Variants in SOX6 observed in about 807,000 individuals in gnomAD.
SOX6 encodes transcription factor SOX-6.
SOX6 carries 11 observed loss-of-function variants against 97.8 expected under a neutral mutation model. The ratio of observed to expected loss-of-function variants is 0.11; its 90% CI spans 0.07 to 0.19. The LOEUF (loss-of-function observed/expected upper bound fraction) is 0.19. Among genes scored for constraint, SOX6 ranks in the 10% least tolerant of loss-of-function variants. The pLI is 1.00. For missense variants in SOX6, 810 were observed against 1,039.5 expected (o/e 0.78, Z 3.04); for synonymous variants, 360 against 371.4 (o/e 0.97, Z 0.35).
chr11:16,601,774 A>C (rs1345951285), intron 4 of SOX6, among the ~76,000 whole-genome samples: 10 of 152,174 alleles, frequency 6.6e-5, no homozygotes, highest in Admixed American at 4.6e-4. Flanking sequence ...TAACTAAATA[A>C]TTCCTAAAAA....
At chr11:16,712,118 CA>C (rs1848185980) in intron 3 of SOX6, among the ~76,000 whole-genome samples, 2 of 150,882 alleles carry the variant, frequency 1.3e-5, no homozygotes, top group South Asian at 2.1e-4. Flanking sequence ...CACACACACA[CA>C]CACCACAGTT....
At chr11:16,486,758 G>T (rs1860442260) in intron 4 of SOX6, among the ~76,000 whole-genome samples, 1 of 152,038 alleles carries the variant, frequency 6.6e-6, no homozygotes, top group South Asian at 2.1e-4. Flanking sequence ...TGAGGCAGAA[G>T]AATCACTTGA....
chr11:16,272,420 C>A (rs1266849692), intron 3 of SOX6, among the ~76,000 whole-genome samples: 1 of 151,616 alleles, frequency 6.6e-6, no homozygotes, highest in Admixed American at 6.6e-5. Context: ...CTGAATTTGC[C>A]CACCTAGCCA....
intron 7 of SOX6, among the ~76,000 whole-genome samples, chr11:16,101,018 C>T (rs1848932141): frequency 6.6e-6 from 1 of 151,660 alleles, no homozygotes; most frequent in Non-Finnish European, 1.5e-5. Flanking sequence ...TTACACATCC[C>T]TAACTAACTC....
Position 16,483,371 on chromosome 11 carries a change from C to T in SOX6, n.610-6983G>A, listed in dbSNP as rs538112510. ...CTTTTTTTTTTCAAGTTCACAAAAG[C>T]ACTTTTTATTTGAGGCAAAGAGAAG... On this transcript the variant is annotated intron_variant and non_coding_transcript_variant, in intron 4 of 5. Transcript: ENST00000524520. 7.2e-5 allele frequency among the ~76,000 whole-genome samples: 11 copies of T among 152,048 alleles called. No homozygotes were observed. The East Asian group carries it at 2.1e-3, about 29-fold the overall frequency.
chr11:16,715,547 T>C (rs1435000136), intron 2 of SOX6, among the ~76,000 whole-genome samples: 2 of 151,878 alleles, frequency 1.3e-5, no homozygotes, highest in Admixed American at 6.6e-5. Context: ...AGCAAGGTCC[T>C]TAATGAAAAC....
chr11:16,287,298 TCA>T (rs371413164), intron 3 of SOX6, among the ~76,000 whole-genome samples: 5 of 123,448 alleles, frequency 4.1e-5, no homozygotes, highest in African/African-American at 1.6e-4. Flanking sequence ...TCTCTCTCTC[TCA>T]CACACACACA....
chr11:16,362,098 A>G (rs1176255415), intron 1 of SOX6, among the ~76,000 whole-genome samples: 1 of 152,180 alleles, frequency 6.6e-6, no homozygotes, highest in Non-Finnish European at 1.5e-5. Context: ...CTAAAATCCC[A>G]GTCCCCTAAA....
intron 4 of SOX6, among the ~76,000 whole-genome samples, chr11:16,497,873 A>C (rs1860631577): frequency 6.6e-6 from 1 of 152,234 alleles, no homozygotes; most frequent in African/African-American, 2.4e-5. Flanking sequence ...GGAGAAGGGA[A>C]CCAAGTTGGA....
chr11:16,611,431 C>T (rs190567213), intron 4 of SOX6, among the ~76,000 whole-genome samples: 1 of 152,264 alleles, frequency 6.6e-6, no homozygotes, highest in Non-Finnish European at 1.5e-5. Flanking sequence ...GTCAATCGCT[C>T]CCAAACACTG....
At chr11:16,395,292 C>A (rs1399340546) in intron 1 of SOX6, among the ~76,000 whole-genome samples, 1 of 151,786 alleles carries the variant, frequency 6.6e-6, no homozygotes, top group African/African-American at 2.4e-5. Context: ...ATTGCAATAT[C>A]TGCTATAAAA....
At chr11:16,555,740 A>C (rs542197908) in intron 4 of SOX6, among the ~76,000 whole-genome samples, 1 of 151,742 alleles carries the variant, frequency 6.6e-6, no homozygotes, top group Non-Finnish European at 1.5e-5. Context: ...TCACTGCAAA[A>C]GAAATAGAGA....
At chr11:16,445,262 C>T (rs575809334) in intron 1 of SOX6, among the ~76,000 whole-genome samples, 1 of 152,288 alleles carries the variant, frequency 6.6e-6, no homozygotes, top group East Asian at 1.9e-4. Context: ...AGGAAACTGT[C>T]ATTTACATAA....
intron 3 of SOX6, among the ~76,000 whole-genome samples, chr11:16,309,073 C>G (rs761320114): frequency 4.6e-5 from 7 of 152,182 alleles, no homozygotes; most frequent in Non-Finnish European, 8.8e-5. Flanking sequence ...CACACACACA[C>G]ACATATTGCA....
At chr11:16,374,787 T>G (rs1857600005) in intron 1 of SOX6, among the ~76,000 whole-genome samples, 2 of 152,168 alleles carry the variant, frequency 1.3e-5, no homozygotes, top group Non-Finnish European at 2.9e-5. Flanking sequence ...AACAATAAAA[T>G]AAAATTGTGT....
intron 4 of SOX6, among the ~76,000 whole-genome samples, chr11:16,212,282 T>C (rs929697266): frequency 7.9e-5 from 12 of 152,156 alleles, no homozygotes; most frequent in Non-Finnish European, 1.8e-4. Context: ...CAGAGCTTGC[T>C]TTTATTTTTT....
chr11:16,136,053 T>C (rs1365754724), intron 6 of SOX6, among the ~76,000 whole-genome samples: 1 of 152,094 alleles, frequency 6.6e-6, no homozygotes, highest in African/African-American at 2.4e-5. Context: ...AGAGACTTGC[T>C]GTGTCGCAAG....
intron 15 of SOX6, among the ~76,000 whole-genome samples, chr11:15,983,957 G>C (rs553718066): frequency 1.3e-5 from 2 of 152,258 alleles, no homozygotes; most frequent in African/African-American, 4.8e-5. Context: ...ATGACTGCCA[G>C]CATAGGGCTA....
At chr11:16,497,814 A>G (rs906124318) in intron 4 of SOX6, among the ~76,000 whole-genome samples, 2 of 152,244 alleles carry the variant, frequency 1.3e-5, no homozygotes, top group Non-Finnish European at 2.9e-5. Flanking sequence ...ATATGGGACT[A>G]TGTGAAAAGA....
Sources: allele counts gnomAD v4.1 joint callset (sites outside exome capture counted in the v4.1 genomes callset), GRCh38; gene constraint gnomAD v4.1.1; transcripts MANE v1.5; gene names NCBI Gene and HGNC (gene_info 2026-07-23, HGNC 2026-07-21).